APLP2: variants seen among roughly 807,000 people sequenced by gnomAD.
The protein encoded by APLP2 is CDEI box-binding protein.
In APLP2, 53 loss-of-function variants were observed where a neutral mutation model predicts 89.9. That is an observed-to-expected ratio of 0.59 (90% CI 0.47 to 0.74). The LOEUF is 0.74. APLP2 is among the 30% of genes least tolerant of loss of function. APLP2 has a pLI of 0.00. For synonymous variants in APLP2, 372 were observed against 348.6 expected (o/e 1.07, Z -0.75); for missense variants, 973 against 975.9 (o/e 1.00, Z 0.04).
intron 1 of APLP2, among the ~76,000 whole-genome samples, chr11:130,092,896 G>A (rs922944060): frequency 1.3e-5 from 2 of 152,126 alleles, no homozygotes; most frequent in African/African-American, 4.8e-5. Flanking sequence ...GCCGGGAGGA[G>A]CCAAGTAAAA....
chr11:130,131,019 C>T (rs972124795), intron 11 of APLP2, among the ~76,000 whole-genome samples: 4 of 152,196 alleles, frequency 2.6e-5, no homozygotes, highest in Non-Finnish European at 4.4e-5. Context: ...TCAGTGCTGC[C>T]GGGTTGACTC....
At chr11:130,090,874 C>T (rs1393020726) in intron 1 of APLP2, among the ~76,000 whole-genome samples, 3 of 149,752 alleles carry the variant, frequency 2.0e-5, no homozygotes, top group African/African-American at 7.4e-5. Context: ...CCGGACGGGG[C>T]GGTTGGCCGG....
intron 9 of APLP2, among the ~76,000 whole-genome samples, chr11:130,128,563 G>A (rs182690895): frequency 1.3e-5 from 2 of 152,268 alleles, no homozygotes; most frequent in African/African-American, 2.4e-5. Context: ...ATACCTCACG[G>A]ATAACTTGCC....
At chr11:130,140,606 G>A in intron 14 of APLP2, 123 bp downstream of exon 14, 1 of 689,500 alleles carries the variant, frequency 1.5e-6, no homozygotes, top group Non-Finnish European at 2.3e-6. Context: ...GTAGAAGGTT[G>A]GAGGGCTCCA....
rs1009477657 is a variant in APLP2, at chr11:130,143,512, G to A, written c.*64G>A. ...GTGGGCCGGAAGATCCCACGATTCC[G>A]ATCGACTGCCAAGCAGCAGCCGCTG... On this transcript the variant is annotated 3_prime_UTR_variant, in exon 17 of 17. Transcript: ENST00000338167. 3.6e-6 allele frequency: 5 copies of A among 1,395,394 alleles called. No homozygotes were observed. The highest frequency in any genetic ancestry group is 2.3e-5 in the East Asian group (1 of 43,830). 86.4% of individuals were successfully genotyped at this position (1,395,394 alleles called of 1,614,324 possible).
At chr11:130,121,385 G>A (rs561030366) in intron 4 of APLP2, among the ~76,000 whole-genome samples, 47 of 151,984 alleles carry the variant, frequency 3.1e-4, no homozygotes, top group Admixed American at 2.6e-3. Flanking sequence ...TCCACATTTG[G>A]GATTTCAGTA....
intron 11 of APLP2, among the ~76,000 whole-genome samples, chr11:130,130,603 C>T (rs1332975174): frequency 3.3e-5 from 5 of 152,196 alleles, no homozygotes; most frequent in Non-Finnish European, 5.9e-5. Context: ...CTGGTTCCTA[C>T]TTCTAATATT....
At chr11:130,070,187 CGCCGG>C in intron 1 of APLP2, 105 bp downstream of exon 1, 3 of 553,614 alleles carry the variant, frequency 5.4e-6, no homozygotes, top group Non-Finnish European at 7.6e-6. Context: ...GGCGGTGCGG[CGCCGG>C]GGGTCCGGCT....
At chr11:130,071,194 T>G (rs935859839) in intron 1 of APLP2, among the ~76,000 whole-genome samples, 1 of 148,336 alleles carries the variant, frequency 6.7e-6, no homozygotes, top group African/African-American at 2.6e-5. Context: ...TGGGCATTAA[T>G]TGAGAGCTTT....
At chr11:130,117,520 T>C (rs1311797857) in intron 3 of APLP2, among the ~76,000 whole-genome samples, 6 of 152,000 alleles carry the variant, frequency 3.9e-5, no homozygotes, top group African/African-American at 1.4e-4. Context: ...CACTGCAACC[T>C]CAGCCTCCTG....
Position 130,110,634 on chromosome 11 carries a change from C to G in APLP2, c.376C>G (p.Arg126Gly), listed in dbSNP as rs1433092333. The change falls in exon 3 of 17, where the codon CGC (arginine) becomes GGC (glycine). Residue 126 changes from arginine (R) to glycine (G), a missense_variant. Arg to Gly is a moderately radical substitution (Grantham distance 125). Transcript: ENST00000338167. ...CRRDKKQCKS[R>G]FVTPFKCLVG... ...GAGGGACAAAAAGCAATGCAAGAGT[C>G]GCTTTGTTACACCTTTCAAGTGTCT... is the stretch of plus-strand genomic sequence containing the variant. 6.2e-7 allele frequency: 1 copy of G among 1,613,296 alleles called. No homozygotes were observed. The highest frequency in any genetic ancestry group is 1.7e-5 in the Admixed American group (1 of 59,934).
intron 3 of APLP2, among the ~76,000 whole-genome samples, chr11:130,119,083 T>A (rs557814234): frequency 6.6e-6 from 1 of 152,300 alleles, no homozygotes; most frequent in Admixed American, 6.5e-5. Flanking sequence ...GAGAGACTCA[T>A]CCATGATGGC....
chr11:130,084,176 G>T (rs530287339), intron 1 of APLP2, among the ~76,000 whole-genome samples: 1 of 152,168 alleles, frequency 6.6e-6, no homozygotes, highest in South Asian at 2.1e-4. Flanking sequence ...AACCTGGGAG[G>T]TGGAGCTTGC....
Position 130,093,666 on chromosome 11 carries a change from T to A in APLP2, c.106-15763T>A, listed in dbSNP as rs532598851. Among the ~76,000 whole-genome samples, 9 of 152,280 alleles carry A rather than the reference T, an allele frequency of 5.9e-5. No homozygotes were observed. In the East Asian group the frequency reaches 1.7e-3, roughly 29 times the overall value. On this transcript the variant is annotated intron_variant, in intron 1 of 16. Transcript: ENST00000338167. ...ACTGAGAGCTCAGGCCAGTGAGTGA[T>A]GAAAAGAGCACACCAAGACATGTTA...
chr11:130,130,163 C>T lies in APLP2; in HGVS notation c.1581C>T (p.Ser527=). The change falls in exon 11 of 17, where the codon TCC becomes TCT. Residue 527 remains serine (S), a synonymous_variant. Coordinates refer to ENST00000338167, the MANE Select transcript of APLP2 (RefSeq NM_001142276.2). ...CAGAAAAGGCGGCCCAGATGAAATC[C>T]CAGGTACAGTAGATGTAGTAGAAAT... ...VDPEKAAQMK[S]QVMTHLHVIE... The T allele has an allele frequency of 6.2e-7, 1 of 1,614,204 alleles. No homozygotes were observed. The highest frequency in any genetic ancestry group is 8.5e-7 in the Non-Finnish European group (1 of 1,180,024).
Position 130,141,912 on chromosome 11 carries a change from T to C in APLP2, c.1999-7T>C. On this transcript the variant is annotated splice_polypyrimidine_tract_variant and splice_region_variant and intron_variant, in intron 15 of 16. Coordinates refer to ENST00000338167, the MANE Select transcript of APLP2 (RefSeq NM_001142276.2). The surrounding 1 kb of genome is among the most constrained non-coding windows in gnomAD (Gnocchi z 4.2). ...GGACTTTTTTCCACGTCTGCTTTAT[T>C]ACGTAGGAATCCGTGGGCCCACTGC... is the stretch of plus-strand genomic sequence containing the variant. The C allele has an allele frequency of 3.1e-6, 5 of 1,596,254 alleles. No individual in the cohort carries two copies. Among genetic ancestry groups the C allele is most frequent in the Non-Finnish European group, 4.3e-6 (5 of 1,166,010 alleles).
intron 2 of APLP2, 36 bp from the exon 3 acceptor site, chr11:130,110,502 A>G (rs376766945): frequency 9.3e-6 from 15 of 1,607,890 alleles, no homozygotes; most frequent in South Asian, 5.5e-5. Flanking sequence ...CTGTCTGCAG[A>G]TTGATTTATT....
At position 130,141,819 on chromosome 11, in the gene APLP2, G is replaced by C; in HGVS notation, c.1999-100G>C. On this transcript the variant is annotated intron_variant, in intron 15 of 16. Transcript: ENST00000338167. This position sits in a 1 kb window ranked among gnomAD's most constrained non-coding sequence, Gnocchi z 4.2. Reference sequence around the variant, plus strand: ...GATCTTGGTGCTACTTTGGGTTTTAGGGGCTCGACCTTCCAGGAGCGTGGC... The same window carrying C: ...GATCTTGGTGCTACTTTGGGTTTTACGGGCTCGACCTTCCAGGAGCGTGGC... 1 of 1,444,892 alleles carries C rather than the reference G, an allele frequency of 6.9e-7. No individual in the cohort carries two copies. The highest frequency in any genetic ancestry group is 1.4e-5 in the South Asian group (1 of 73,618). The allele number at this position is 1,444,892 out of a possible 1,614,324, so 89.5% of individuals were successfully genotyped here. A position where few individuals can be genotyped will look rare whatever the true frequency, so the allele number is the denominator to read the frequency against.
intron 11 of APLP2, among the ~76,000 whole-genome samples, chr11:130,130,403 T>A (rs1950810352): frequency 6.6e-6 from 1 of 152,268 alleles, no homozygotes; most frequent in Admixed American, 6.5e-5. Context: ...AATTTCTGAA[T>A]TTTTTATATC....
Sources: allele counts gnomAD v4.1 joint callset (sites outside exome capture counted in the v4.1 genomes callset), GRCh38; gene constraint gnomAD v4.1.1; non-coding constraint Gnocchi (gnomAD v3.1); transcripts MANE v1.5; gene names NCBI Gene and HGNC (gene_info 2026-07-23, HGNC 2026-07-21).